Variants in SYT16 observed in about 807,000 individuals in gnomAD.
The protein encoded by SYT16 is synaptotagmin-16.
A neutral mutation model predicts 61.4 loss-of-function variants in SYT16; 42 were observed. The ratio of observed to expected loss-of-function variants is 0.68; its 90% CI spans 0.53 to 0.89. SYT16 has a LOEUF of 0.89. SYT16 is among the 40% of genes least tolerant of loss of function. SYT16 has a pLI of 0.00. For missense variants in SYT16, 804 were observed against 807.3 expected (o/e 1.00, Z 0.05); for synonymous variants, 314 against 302.3 (o/e 1.04, Z -0.40).
chr14:61,859,036 T>G (rs1404615655), intron 1 of SYT16, among the ~76,000 whole-genome samples: 2 of 151,570 alleles, frequency 1.3e-5, no homozygotes, highest in Admixed American at 6.6e-5. Flanking sequence ...TTTTTTTGTA[T>G]TTTTAGTAGA....
At chr14:62,015,904 T>A (rs763397383) in intron 3 of SYT16, among the ~76,000 whole-genome samples, 1 of 152,202 alleles carries the variant, frequency 6.6e-6, no homozygotes, top group Non-Finnish European at 1.5e-5. Context: ...ATCGTGACTA[T>A]TATTGTGTCA....
intron 3 of SYT16, among the ~76,000 whole-genome samples, chr14:62,027,261 A>T (rs1024402136): frequency 3.3e-5 from 5 of 152,184 alleles, no homozygotes; most frequent in Non-Finnish European, 5.9e-5. Context: ...AGCCTTGACC[A>T]TGTTATGTCT....
chr14:61,828,967 G>T (rs2045855678), intron 1 of SYT16, among the ~76,000 whole-genome samples: 1 of 152,188 alleles, frequency 6.6e-6, no homozygotes. Context: ...TGATCATAAA[G>T]TCTATGGGCT....
chr14:62,088,110 T>C (rs2056949434), intron 7 of SYT16, among the ~76,000 whole-genome samples: 1 of 152,166 alleles, frequency 6.6e-6, no homozygotes, highest in Non-Finnish European at 1.5e-5. Context: ...AGTTACGTTC[T>C]TGGGCAGTAA....
At position 61,973,915 on chromosome 14, in the gene SYT16, C is replaced by T. The variant is rs1163216160; in HGVS notation, c.-145+3604C>T. Among the ~76,000 whole-genome samples, 10 of 152,182 alleles carry T rather than the reference C, an allele frequency of 6.6e-5. No homozygotes were observed. The East Asian group carries it at 1.9e-3, about 29-fold the overall frequency. ...CTGGACCAGACCCTGAGAAGGAGGACAGATGTGGGACCCAGTCAGGCCGGT... is the reference window on the plus strand; with the variant it reads ...CTGGACCAGACCCTGAGAAGGAGGATAGATGTGGGACCCAGTCAGGCCGGT... On this transcript the variant is annotated intron_variant, in intron 2 of 7. Coordinates refer to ENST00000683842, the MANE Select transcript of SYT16 (RefSeq NM_001367656.1).
intron 3 of SYT16, among the ~76,000 whole-genome samples, chr14:62,043,293 G>A (rs942352875): frequency 4.0e-5 from 6 of 151,872 alleles, no homozygotes; most frequent in African/African-American, 4.8e-5. Context: ...TTTCGCTATC[G>A]ACTGTGATGC....
intron 5 of SYT16, among the ~76,000 whole-genome samples, chr14:62,079,689 A>G (rs1033997063): frequency 2.6e-5 from 4 of 152,252 alleles, no homozygotes; most frequent in African/African-American, 4.8e-5. Flanking sequence ...CTGGTTTGCA[A>G]TAAGAATCAG....
At position 62,102,213 on chromosome 14, in the gene SYT16, T is replaced by C. The variant is rs141193058; in HGVS notation, c.*1506T>C. Reference sequence around the variant, plus strand: ...TCCTCAGCTCCACGTTTTGACAGATTGTAAGCGTAGGCTGTAACACTTGAA... The same window carrying C: ...TCCTCAGCTCCACGTTTTGACAGATCGTAAGCGTAGGCTGTAACACTTGAA... On this transcript the variant is annotated 3_prime_UTR_variant, in exon 8 of 8. Transcript: ENST00000683842. 262 of 152,342 alleles carry C rather than the reference T, an allele frequency of 1.7e-3. No individual in the cohort carries two copies. The highest frequency in any genetic ancestry group is 6.1e-3 in the African/African-American group (254 of 41,574). The allele number at this position is 152,342 out of a possible 1,614,324, so 9.4% of individuals were successfully genotyped here.
intron 3 of SYT16, among the ~76,000 whole-genome samples, chr14:62,013,830 G>A (rs1276035738): frequency 6.6e-6 from 1 of 152,120 alleles, no homozygotes; most frequent in African/African-American, 2.4e-5. Context: ...TGGGCATAGT[G>A]GTGGGCACCT....
intron 1 of SYT16, among the ~76,000 whole-genome samples, chr14:61,901,740 TTATAA>T (rs1436787809): frequency 3.5e-5 from 5 of 144,706 alleles, no homozygotes; most frequent in African/African-American, 8.2e-5. Flanking sequence ...GTTCATCTGC[TTATAA>T]TAATAATAAT....
intron 4 of SYT16, among the ~76,000 whole-genome samples, chr14:62,074,226 A>G (rs989484197): frequency 2.6e-4 from 39 of 152,176 alleles, no homozygotes; most frequent in African/African-American, 9.4e-4. Context: ...AAAGGGATGA[A>G]TGGAGGTGAG....
At chr14:61,883,717 G>A (rs998959410) in intron 1 of SYT16, among the ~76,000 whole-genome samples, 2 of 152,144 alleles carry the variant, frequency 1.3e-5, no homozygotes, top group Admixed American at 6.5e-5. Flanking sequence ...CCAATTTACT[G>A]TATTAGTCTG....
chr14:61,875,288 T>G (rs1158724140), intron 1 of SYT16, among the ~76,000 whole-genome samples: 2 of 152,198 alleles, frequency 1.3e-5, no homozygotes, highest in Non-Finnish European at 2.9e-5. Flanking sequence ...GTATCTCCCT[T>G]CTGTGACTTT....
intron 7 of SYT16, among the ~76,000 whole-genome samples, chr14:62,096,763 G>A (rs1208088299): frequency 6.6e-6 from 1 of 152,044 alleles, no homozygotes; most frequent in African/African-American, 2.4e-5. Context: ...AAGTTGGACA[G>A]GATCCCAAAG....
chr14:61,980,464 T>C (rs75611103), intron 2 of SYT16, among the ~76,000 whole-genome samples: 7,319 of 152,320 alleles, frequency 0.048, 263 homozygotes, highest in East Asian at 0.11. Flanking sequence ...AGAATTGATA[T>C]TAATCTTATA....
rs923939364 is a variant in SYT16 at position 61,961,619 on chromosome 14, G to C, written c.-324-8513G>C. ...ATTATTAAAAAGTCAAAAAATAACA[G>C]ATGCTGGCAAGGTTGTGGAGAAAAG... On this transcript the variant is annotated intron_variant, in intron 1 of 7. Coordinates refer to ENST00000683842, the MANE Select transcript of SYT16 (RefSeq NM_001367656.1). Among the ~76,000 whole-genome samples the C allele has an allele frequency of 4.6e-5, 7 of 152,266 alleles. No individual in the cohort carries two copies. The East Asian group carries it at 1.2e-3, about 25-fold the overall frequency.
At chr14:62,045,497 A>G (rs2054934432) in intron 3 of SYT16, among the ~76,000 whole-genome samples, 1 of 152,118 alleles carries the variant, frequency 6.6e-6, no homozygotes, top group African/African-American at 2.4e-5. Context: ...ACGTGTACAC[A>G]ACGTGCAGGT....
At chr14:61,962,243 C>T (rs1953541) in intron 1 of SYT16, among the ~76,000 whole-genome samples, 13,665 of 151,996 alleles carry the variant, frequency 0.09, 1,308 homozygotes, top group African/African-American at 0.24. Context: ...TATAAAAAAC[C>T]TGCACATATA....
At chr14:61,893,390 A>C (rs1024704392) in intron 1 of SYT16, among the ~76,000 whole-genome samples, 1 of 152,148 alleles carries the variant, frequency 6.6e-6, no homozygotes, top group African/African-American at 2.4e-5. Context: ...CTTTTATGTG[A>C]AGCCTTCCAA....
Sources: gnomAD v4.1 joint callset for allele counts (sites outside exome capture counted in the v4.1 genomes callset) on GRCh38, gnomAD v4.1.1 for gene constraint, MANE v1.5 for transcripts, NCBI Gene and HGNC (gene_info 2026-07-23, HGNC 2026-07-21) for gene names.